The following SH3PXD2B variants were observed in gnomAD, a reference collection of about 807,000 sequenced individuals.
The protein encoded by SH3PXD2B is SH3 and PX domain-containing protein 2B.
SH3PXD2B carries 37 observed loss-of-function variants against 73.1 expected under a neutral mutation model. The ratio of observed to expected loss-of-function variants is 0.51; its 90% CI spans 0.39 to 0.67. The LOEUF is 0.67. Ranked by LOEUF, SH3PXD2B falls within the 30% of genes least tolerant of loss-of-function variation. SH3PXD2B has a pLI of 0.00. For missense variants in SH3PXD2B, 1,053 were observed against 1,197.8 expected (o/e 0.88, Z 1.78); for synonymous variants, 457 against 480.5 (o/e 0.95, Z 0.64).
At chr5:172,422,343 A>T in intron 2 of SH3PXD2B, 73 bp downstream of exon 2, 1 of 1,376,330 alleles carries the variant, frequency 7.3e-7, no homozygotes, top group Non-Finnish European at 1.0e-6. Flanking sequence ...CTGGACTCTA[A>T]AGCTGTAGTG....
chr5:172,432,084 A>G (rs1405439803), intron 1 of SH3PXD2B, among the ~76,000 whole-genome samples: 1 of 152,156 alleles, frequency 6.6e-6, no homozygotes, highest in Non-Finnish European at 1.5e-5. Flanking sequence ...GAGGCAGGAG[A>G]ATCGCTTGAA....
intron 10 of SH3PXD2B, among the ~76,000 whole-genome samples, chr5:172,348,711 T>TATCTATCTATC (rs1561896964): frequency 5.1e-4 from 19 of 37,002 alleles, no homozygotes; most frequent in Non-Finnish European, 1.1e-3. Context: ...ATCTATCTAT[T>TATCTATCTATC]TATTTATTTT....
At chr5:172,423,268 A>C (rs1339570441) in intron 1 of SH3PXD2B, among the ~76,000 whole-genome samples, 1 of 152,172 alleles carries the variant, frequency 6.6e-6, no homozygotes, top group Non-Finnish European at 1.5e-5. Flanking sequence ...GGATCAGCAT[A>C]CCTGTGACCC....
intron 1 of SH3PXD2B, among the ~76,000 whole-genome samples, chr5:172,450,371 T>C (rs1211372957): frequency 6.6e-6 from 1 of 151,992 alleles, no homozygotes; most frequent in Non-Finnish European, 1.5e-5. Flanking sequence ...CTTTATTTCT[T>C]AAAAATAAAA....
chr5:172,401,241 T>C, intron 3 of SH3PXD2B, among the ~76,000 whole-genome samples: 1 of 152,238 alleles, frequency 6.6e-6, no homozygotes, highest in East Asian at 1.9e-4. Context: ...CACCCCGTAT[T>C]CCTACAATGA....
chr5:172,338,265 TCTGC>T lies in SH3PXD2B; in HGVS notation c.*100_*103del. The T allele has an allele frequency of 1.2e-6, 2 of 1,600,202 alleles. No individual in the cohort carries two copies. The highest frequency in any genetic ancestry group is 1.1e-5 in the South Asian group (1 of 89,382). ...AGAAGTCACAGTACCCCAGAGTCTG[TCTGC>T]CTTGGAAGCTGCGTGGAGAATGATA... On this transcript the variant is annotated 3_prime_UTR_variant, in exon 13 of 13. Transcript: ENST00000311601. The surrounding 1 kb of genome is among the most constrained non-coding windows in gnomAD (Gnocchi z 5.1).
chr5:172,422,381 G>A (rs1561934089), intron 2 of SH3PXD2B, 35 bp downstream of exon 2: 4 of 1,560,038 alleles, frequency 2.6e-6, no homozygotes, highest in East Asian at 2.3e-5. Context: ...AACTCTTTCC[G>A]ATCCTGCAGC....
chr5:172,419,978 C>A (rs1418036050), intron 2 of SH3PXD2B, among the ~76,000 whole-genome samples: 1 of 152,212 alleles, frequency 6.6e-6, no homozygotes, highest in Admixed American at 6.5e-5. Context: ...GCATAAATCA[C>A]CACAGATCTG....
chr5:172,436,433 C>T (rs904491547), intron 1 of SH3PXD2B, among the ~76,000 whole-genome samples: 1 of 152,260 alleles, frequency 6.6e-6, no homozygotes, highest in African/African-American at 2.4e-5. Context: ...CTGCCTGCTT[C>T]AGGCAGACAA....
Position 172,341,859 on chromosome 5 carries a change from G to A in SH3PXD2B, c.1189-1943C>T, listed in dbSNP as rs557410728. ...TTTTTAGTAGAGATGGGGTTTCACC[G>A]TGTTAGCCAGGATGGGCTTGATCTC... On this transcript the variant is annotated intron_variant, in intron 12 of 12. Transcript: ENST00000311601. Among the ~76,000 whole-genome samples the A allele has an allele frequency of 1.7e-4, 26 of 151,530 alleles. No individual in the cohort carries two copies. The South Asian group carries it at 2.5e-3, about 15-fold the overall frequency.
At position 172,336,319 on chromosome 5, in the gene SH3PXD2B, G is replaced by C. The variant is rs1756689762; in HGVS notation, c.*2050C>G. 2.0e-6 allele frequency: 2 copies of C among 985,582 alleles called. No homozygotes were observed. Among genetic ancestry groups the C allele is most frequent in the South Asian group, 9.4e-5 (2 of 21,292 alleles). The allele number at this position is 985,582 out of a possible 1,614,324, so 61.1% of individuals were successfully genotyped here. ...GCCATGGGGCCTCCTCTCAAGGGAG[G>C]GGACCCTCAAGCGGTGGCGGCCCTT... On this transcript the variant is annotated 3_prime_UTR_variant, in exon 13 of 13. Transcript: ENST00000311601.
Position 172,368,553 on chromosome 5 carries a change from AT to A in SH3PXD2B, c.427+5236del, listed in dbSNP as rs1232947713. Among the ~76,000 whole-genome samples the A allele has an allele frequency of 5.4e-4, 8 of 14,774 alleles. 1 individual carries two copies. The highest frequency in any genetic ancestry group is 6.5e-4 in the Non-Finnish European group (7 of 10,800). The allele number at this position is 14,774 out of a possible 152,430, so 9.7% of individuals were successfully genotyped here. On this transcript the variant is annotated intron_variant, in intron 6 of 12. Transcript: ENST00000311601. ...ATATATATATATAAAATATATATAT[AT>A]TATATATATATAAAATATGTTATAT... is the stretch of plus-strand genomic sequence containing the variant.
At chr5:172,425,631 A>T (rs1759078652) in intron 1 of SH3PXD2B, among the ~76,000 whole-genome samples, 1 of 151,476 alleles carries the variant, frequency 6.6e-6, no homozygotes, top group South Asian at 2.1e-4. Context: ...TGAGCGGGGG[A>T]GGAGGCAGCA....
chr5:172,330,340 G>A (rs1478783737), downstream of SH3PXD2B, among the ~76,000 whole-genome samples: 1 of 152,126 alleles, frequency 6.6e-6, no homozygotes, highest in African/African-American at 2.4e-5. Flanking sequence ...ACAGAATTTG[G>A]GTGAAGGATG....
At chr5:172,329,982 G>A (rs1405696661), downstream of SH3PXD2B, among the ~76,000 whole-genome samples, 1 of 152,178 alleles carries the variant, frequency 6.6e-6, no homozygotes, top group Non-Finnish European at 1.5e-5. Flanking sequence ...GTTTTCTGAA[G>A]TTTCCTATAT....
In SH3PXD2B at chr5:172,406,305, G is replaced by T; in HGVS notation, c.204C>A (p.Pro68=). The T allele has an allele frequency of 6.2e-7, 1 of 1,614,096 alleles. No individual in the cohort carries two copies. The highest frequency in any genetic ancestry group is 1.3e-5 in the African/African-American group (1 of 75,030). The change falls in exon 3 of 13, where the codon CCC becomes CCA. Residue 68 remains proline, a synonymous_variant. Transcript: ENST00000311601. ...KFPMEGGQKD[P]KQRIIPFLPG... Reference sequence around the variant, plus strand: ...GCAGAAAGGGGATGATCCGCTGCTTGGGGTCCTTCTGTCCTCCTTCCATGG... The same window carrying T: ...GCAGAAAGGGGATGATCCGCTGCTTTGGGTCCTTCTGTCCTCCTTCCATGG...
intron 6 of SH3PXD2B, among the ~76,000 whole-genome samples, chr5:172,366,296 G>A (rs1028535530): frequency 1.3e-5 from 2 of 152,128 alleles, no homozygotes; most frequent in Non-Finnish European, 2.9e-5. Flanking sequence ...GGGAGGGGAG[G>A]GGAGGCAGAT....
At chr5:172,405,720 T>C (rs1054791190) in intron 3 of SH3PXD2B, among the ~76,000 whole-genome samples, 2 of 152,154 alleles carry the variant, frequency 1.3e-5, no homozygotes, top group Admixed American at 1.3e-4. Context: ...CCAAAAACCC[T>C]GCCTGGATTT....
intron 4 of SH3PXD2B, among the ~76,000 whole-genome samples, chr5:172,384,007 C>A (rs139690246): frequency 6.6e-6 from 1 of 151,954 alleles, no homozygotes; most frequent in Non-Finnish European, 1.5e-5. Flanking sequence ...CCACCCCACC[C>A]GGCTAATTTT....
Sources: gnomAD v4.1 joint callset for allele counts (sites outside exome capture counted in the v4.1 genomes callset) on GRCh38, gnomAD v4.1.1 for gene constraint, Gnocchi (gnomAD v3.1) non-coding constraint, MANE v1.5 for transcripts, NCBI Gene and HGNC (gene_info 2026-07-23, HGNC 2026-07-21) for gene names.